ABCA1: variants seen among roughly 807,000 people sequenced by gnomAD.
The protein encoded by ABCA1 is ATP binding cassette subfamily A member 1.
ABCA1 carries 133 observed loss-of-function variants against 262.5 expected under a neutral mutation model. The observed-to-expected ratio is 0.51, with a 90% confidence interval of 0.44 to 0.59. The LOEUF (loss-of-function observed/expected upper bound fraction) is 0.59, where lower values mean the gene tolerates loss of function less well. Among genes scored for constraint, ABCA1 ranks in the 20% least tolerant of loss-of-function variants. The pLI is 0.00. For synonymous variants in ABCA1, 1,022 were observed against 1,043.5 expected, an observed-to-expected ratio of 0.98 and a Z score of 0.40; for missense variants, 2,452 against 2,777.5, an observed-to-expected ratio of 0.88 and a Z score of 2.63.
At chr9:104,892,379 T>C (rs148367947) in intron 2 of ABCA1, among the ~76,000 whole-genome samples, 1,770 of 144,510 alleles carry the variant, frequency 0.012, 21 homozygotes, top group Non-Finnish European at 0.02. Context: ...CTTAAAGATA[T>C]ACAATTTTTA....
In ABCA1 at chr9:104,881,152, G is replaced by A. The variant is rs918207857; in HGVS notation, c.421+1887C>T. Reference sequence around the variant, plus strand: ...GACAGAGCGAGGCTCTGTCTTAAAAGAAAAGAAAAGAAAAGAAAAAGGAAA... The same window carrying A: ...GACAGAGCGAGGCTCTGTCTTAAAAAAAAAGAAAAGAAAAGAAAAAGGAAA... On this transcript the variant is annotated intron_variant, in intron 5 of 49. Transcript: ENST00000374736. 2.2e-3 allele frequency among the ~76,000 whole-genome samples: 338 copies of A among 151,958 alleles called. 2 individuals are homozygous for A. Among genetic ancestry groups the A allele is most frequent in the South Asian group, 0.017 (83 of 4,792 alleles).
intron 19 of ABCA1, 74 bp downstream of exon 19, chr9:104,822,422 T>C: frequency 6.3e-7 from 1 of 1,587,796 alleles, no homozygotes; most frequent in Non-Finnish European, 8.6e-7. Flanking sequence ...CATGGTTTCC[T>C]AAGGTATAAA....
In ABCA1 at chr9:104,831,769, G is replaced by A. The variant is rs760977133; in HGVS notation, c.1568C>T (p.Ser523Phe). ...IATEVWLINK[S>F]MELLDERKFW... ...CTTCCTCTCATCCAGCAGCTCCATG[G>A]ACTTGTTGATGAGCCAGACTTCTGT... The change falls in exon 13 of 50, where the codon TCC becomes TTC. Residue 523 changes from serine (S) to phenylalanine (F), a missense_variant. Coordinates refer to ENST00000374736, the MANE Select transcript of ABCA1 (RefSeq NM_005502.4). 1.2e-6 allele frequency: 2 copies of A among 1,614,180 alleles called. No individual in the cohort carries two copies. The highest frequency in any genetic ancestry group is 1.7e-6 in the Non-Finnish European group (2 of 1,180,040).
intron 5 of ABCA1, among the ~76,000 whole-genome samples, chr9:104,862,668 CCGGGCCGGGCCGGGCCGGGCCGGG>C (rs1836650385): frequency 2.9e-4 from 2 of 6,978 alleles, no homozygotes; most frequent in African/African-American, 1.1e-3. Flanking sequence ...CCGGGCCGGG[CCGGGCCGGGCCGGGCCGGGCCGGG>C]CCGGGCCGGC....
intron 2 of ABCA1, among the ~76,000 whole-genome samples, chr9:104,896,514 A>G: frequency 6.6e-6 from 1 of 152,088 alleles, no homozygotes; most frequent in East Asian, 1.9e-4. Flanking sequence ...TAAGGTAATA[A>G]CATTCAATGG....
intron 40 of ABCA1, 91 bp downstream of exon 40, chr9:104,794,296 C>T: frequency 6.3e-7 from 1 of 1,595,590 alleles, no homozygotes; most frequent in Non-Finnish European, 8.6e-7. Flanking sequence ...TGCTTAGTCA[C>T]CTGCTTCTTT....
At chr9:104,824,722 T>A (rs1832672246) in intron 17 of ABCA1, 144 bp from the exon 18 acceptor site, 1 of 1,058,032 alleles carries the variant, frequency 9.5e-7, no homozygotes, top group Non-Finnish European at 1.4e-6. Flanking sequence ...GAGCTAACAT[T>A]TGCTGAAACC....
At position 104,809,462 on chromosome 9, in the gene ABCA1, T is replaced by C; in HGVS notation, c.4274+4A>G. The C allele has an allele frequency of 6.2e-7, 1 of 1,614,082 alleles. No homozygotes were observed. The highest frequency in any genetic ancestry group is 8.5e-7 in the Non-Finnish European group (1 of 1,179,946). ...AGCCTGCTTATGGCTAAAGTGGCACTCACGGGATTGGGTTTCCTTCCATAC... is the reference window on the plus strand; with the variant it reads ...AGCCTGCTTATGGCTAAAGTGGCACCCACGGGATTGGGTTTCCTTCCATAC... On this transcript the variant is annotated splice_donor_region_variant and intron_variant, in intron 30 of 49. Coordinates refer to ENST00000374736, the MANE Select transcript of ABCA1 (RefSeq NM_005502.4).
Position 104,922,521 on chromosome 9 carries a change from A to G in ABCA1, c.-93+5414T>C, listed in dbSNP as rs536804179. Among the ~76,000 whole-genome samples, 11 of 152,332 alleles carry G rather than the reference A, an allele frequency of 7.2e-5. No individual in the cohort carries two copies. In the East Asian group the frequency reaches 2.1e-3, roughly 29 times the overall value. The stretch of plus-strand genomic sequence containing the variant: ...CCTCAGTTTCCCATCTATAAAGACA[A>G]TAAAAGCACCTATTTCACTCATGAG... On this transcript the variant is annotated intron_variant, in intron 1 of 49. Coordinates refer to ENST00000374736, the MANE Select transcript of ABCA1 (RefSeq NM_005502.4).
chr9:104,814,476 C>A lies in ABCA1; in HGVS notation c.3739-1G>T. 6.2e-7 allele frequency: 1 copy of A among 1,614,128 alleles called. No homozygotes were observed. On this transcript the variant is annotated splice_acceptor_variant, in intron 25 of 49. Coordinates refer to ENST00000374736, the MANE Select transcript of ABCA1 (RefSeq NM_005502.4). LOFTEE classifies it high-confidence loss of function. ...TCTCTTCGGCCACCTTGAGGAATAT[C>A]TGGAAAATGAGAGAGATGAGAACAT...
At chr9:104,858,794 C>T in intron 6 of ABCA1, 96 bp from the exon 7 acceptor site, 1 of 1,255,198 alleles carries the variant, frequency 8.0e-7, no homozygotes, top group East Asian at 2.3e-5. Flanking sequence ...CATATCAATA[C>T]AGCTTTGAAG....
intron 5 of ABCA1, among the ~76,000 whole-genome samples, chr9:104,873,346 T>C (rs1837804722): frequency 6.6e-6 from 1 of 152,014 alleles, no homozygotes; most frequent in Admixed American, 6.5e-5. Context: ...CCTGAATGGG[T>C]GAGGGGGTTC....
chr9:104,838,772 T>C (rs1564161116), intron 9 of ABCA1, among the ~76,000 whole-genome samples: 1 of 152,158 alleles, frequency 6.6e-6, no homozygotes. Flanking sequence ...CAGGGATTTT[T>C]AGATACCAAG....
chr9:104,910,817 G>T (rs1245829887), intron 1 of ABCA1, among the ~76,000 whole-genome samples: 4 of 152,250 alleles, frequency 2.6e-5, no homozygotes, highest in Non-Finnish European at 5.9e-5. Context: ...TGATTCTCCT[G>T]CCTCAGCCTC....
intron 5 of ABCA1, among the ~76,000 whole-genome samples, chr9:104,865,757 TA>T (rs1837036733): frequency 6.6e-6 from 1 of 152,154 alleles, no homozygotes; most frequent in South Asian, 2.1e-4. Flanking sequence ...AGATCAGAGA[TA>T]CTCATCATGG....
At chr9:104,865,514 T>TAAAAAAAAAA (rs1469211847) in intron 5 of ABCA1, among the ~76,000 whole-genome samples, 1 of 109,970 alleles carries the variant, frequency 9.1e-6, no homozygotes, top group Non-Finnish European at 1.8e-5. Context: ...AGACTCTGTC[T>TAAAAAAAAAA]CAAAAAAAAA....
At chr9:104,872,529 G>C (rs548189729) in intron 5 of ABCA1, among the ~76,000 whole-genome samples, 1 of 152,120 alleles carries the variant, frequency 6.6e-6, no homozygotes, top group Non-Finnish European at 1.5e-5. Context: ...TTCGAGCCTC[G>C]GTTTCCTCAT....
intron 30 of ABCA1, among the ~76,000 whole-genome samples, chr9:104,808,377 T>A (rs1830982007): frequency 6.6e-6 from 1 of 152,056 alleles, no homozygotes; most frequent in Non-Finnish European, 1.5e-5. Flanking sequence ...CAGATAACTA[T>A]ATTATCATCT....
intron 12 of ABCA1, 117 bp downstream of exon 12, chr9:104,832,457 T>C (rs1237935909): frequency 8.7e-7 from 1 of 1,143,774 alleles, no homozygotes; most frequent in East Asian, 2.5e-5. Flanking sequence ...TGAGGGATAG[T>C]TTTGTAAATG....
Sources: gnomAD v4.1 joint callset for allele counts (sites outside exome capture counted in the v4.1 genomes callset) on GRCh38, gnomAD v4.1.1 for gene constraint, MANE v1.5 for transcripts, NCBI Gene and HGNC (gene_info 2026-07-23, HGNC 2026-07-21) for gene names.